The following KRABD3 variants were observed in gnomAD, a reference collection of about 807,000 sequenced individuals.
KRABD3 encodes KRAB domain-containing protein 3.
the KRABD3 span, chr7:149,733,114 A>G: frequency 1.8e-5 from 26 of 1,433,434 alleles, no homozygotes; most frequent in Non-Finnish European, 2.4e-5. Flanking sequence ...TGGAGGAGGC[A>G]GAGTACTGAG....
the KRABD3 span, chr7:149,733,809 C>T: frequency 6.2e-7 from 1 of 1,604,680 alleles, no homozygotes; most frequent in Non-Finnish European, 8.5e-7. Context: ...CCCCTCCTCG[C>T]ACATACCGGG....
chr7:149,728,605 G>A, the KRABD3 span: 2 of 1,613,714 alleles, frequency 1.2e-6, no homozygotes, highest in East Asian at 2.2e-5. Flanking sequence ...GGCCTGCCTG[G>A]CCCTGCTCCT....
chr7:149,721,166 C>T, the KRABD3 span, among the ~76,000 whole-genome samples: 7 of 152,326 alleles, frequency 4.6e-5, no homozygotes, highest in East Asian at 3.9e-4. Context: ...CCATAGCTGG[C>T]GAGAGGGCAG....
At chr7:149,725,447 C>T in the KRABD3 span, 14 of 1,612,284 alleles carry the variant, frequency 8.7e-6, no homozygotes, top group Non-Finnish European at 1.2e-5. Context: ...GACTCTAGGT[C>T]TCAGAAGCCT....
At chr7:149,722,475 G>T in the KRABD3 span, 2 of 1,606,306 alleles carry the variant, frequency 1.2e-6, no homozygotes, top group East Asian at 4.5e-5. Flanking sequence ...AGCCCTGGGC[G>T]GGGAGCCCAG....
At chr7:149,721,690 G>A in the KRABD3 span, 1 of 881,262 alleles carries the variant, frequency 1.1e-6, no homozygotes. Context: ...CCAGGGAGCA[G>A]GACAACATAT....
At chr7:149,733,833 C>T in the KRABD3 span, 1 of 1,603,226 alleles carries the variant, frequency 6.2e-7, no homozygotes. Flanking sequence ...CACCAGAGCC[C>T]CCTTCCCCCT....
At chr7:149,732,852 G>A in the KRABD3 span, among the ~76,000 whole-genome samples, 1 of 151,946 alleles carries the variant, frequency 6.6e-6, no homozygotes, top group Non-Finnish European at 1.5e-5. This position sits in a 1 kb window ranked among gnomAD's most constrained non-coding sequence, Gnocchi z 4.0. Context: ...CGGGGGCTCT[G>A]GACCCTTCTC....
the KRABD3 span, chr7:149,719,573 G>T: frequency 2.5e-6 from 4 of 1,602,404 alleles, no homozygotes; most frequent in Non-Finnish European, 2.6e-6. The surrounding 1 kb of genome is among the most constrained non-coding windows in gnomAD (Gnocchi z 5.6). Flanking sequence ...GGACTTGGCC[G>T]TGCGGTTCTC....
At chr7:149,722,301 C>T in the KRABD3 span, 1 of 1,390,350 alleles carries the variant, frequency 7.2e-7, no homozygotes, top group Non-Finnish European at 9.9e-7. Flanking sequence ...GCCCTCAGCC[C>T]ACCTCGAACA....
At chr7:149,723,511 T>C in the KRABD3 span, 33 of 547,044 alleles carry the variant, frequency 6.0e-5, no homozygotes, top group Non-Finnish European at 9.7e-5. Context: ...CTCAGAGTGA[T>C]GCCACTTGTC....
At chr7:149,730,595 G>A in the KRABD3 span, 23 of 1,603,896 alleles carry the variant, frequency 1.4e-5, no homozygotes, top group East Asian at 1.8e-4. Context: ...CTGAGGGGGC[G>A]CCCATGCGTT....
the KRABD3 span, chr7:149,722,830 A>G: frequency 1.2e-6 from 2 of 1,612,438 alleles, no homozygotes; most frequent in East Asian, 2.2e-5. Flanking sequence ...CAACTGTCTG[A>G]AGGAAATCCT....
At chr7:149,720,702 C>T in the KRABD3 span, 389 of 943,440 alleles carry the variant, frequency 4.1e-4, no homozygotes, top group African/African-American at 5.0e-3. Flanking sequence ...TCTCATGGGA[C>T]ATGGTGTCTC....
At chr7:149,729,857 C>T in the KRABD3 span, 1 of 985,416 alleles carries the variant, frequency 1.0e-6, no homozygotes, top group Non-Finnish European at 1.2e-6. Context: ...GCCGCCTGGC[C>T]TGTGAGACCT....
the KRABD3 span, chr7:149,723,724 T>A: frequency 6.5e-7 from 1 of 1,533,822 alleles, no homozygotes; most frequent in Non-Finnish European, 8.7e-7. Context: ...ACATGTTCCT[T>A]TTTCCTTAGT....
the KRABD3 span, chr7:149,734,058 C>G: frequency 3.1e-6 from 5 of 1,591,936 alleles, no homozygotes; most frequent in Non-Finnish European, 3.4e-6. Flanking sequence ...TGGCATTCCT[C>G]TTCTCCACAT....
the KRABD3 span, among the ~76,000 whole-genome samples, chr7:149,717,389 T>G: frequency 0.14 from 21,038 of 152,244 alleles, 1,581 homozygotes; most frequent in Middle Eastern, 0.24. Flanking sequence ...CAGGCCTTCC[T>G]AAGGACAGCG....
the KRABD3 span, chr7:149,731,684 A>T: frequency 9.9e-6 from 16 of 1,610,276 alleles, no homozygotes; most frequent in South Asian, 1.8e-4. Flanking sequence ...ACAGCTCAGG[A>T]TCCCTGCCCG....
Sources: gnomAD v4.1 joint callset for allele counts (sites outside exome capture counted in the v4.1 genomes callset) on GRCh38, gnomAD v4.1.1 for gene constraint, Gnocchi (gnomAD v3.1) non-coding constraint, MANE v1.5 for transcripts, NCBI Gene and HGNC (gene_info 2026-07-23, HGNC 2026-07-21) for gene names.